GNAT2: variants seen among roughly 807,000 people sequenced by gnomAD.
GNAT2 encodes guanine nucleotide-binding protein G(t) subunit alpha-2.
A neutral mutation model predicts 40.9 loss-of-function variants in GNAT2; 32 were observed. The observed-to-expected ratio is 0.78, with a 90% confidence interval of 0.59 to 1.05. The LOEUF (loss-of-function observed/expected upper bound fraction) is 1.05, where lower values mean the gene tolerates loss of function less well. Among genes scored for constraint, GNAT2 ranks in the 50% least tolerant of loss-of-function variants. GNAT2 has a pLI of 0.00. For synonymous variants in GNAT2, 141 were observed against 157.2 expected (o/e 0.90, Z 0.77); for missense variants, 355 against 431.5 (o/e 0.82, Z 1.57).
At chr1:109,613,057 G>C (rs1194660291) in intron 1 of GNAT2, 134 bp from the exon 2 acceptor site, 1 of 674,568 alleles carries the variant, frequency 1.5e-6, no homozygotes, top group African/African-American at 1.8e-5. Context: ...CATTGACTGA[G>C]ACTCCCTACT....
At chr1:109,613,065 ACTT>A (rs1189062717) in intron 1 of GNAT2, 142 bp from the exon 2 acceptor site, 19 of 649,592 alleles carry the variant, frequency 2.9e-5, no homozygotes, top group Non-Finnish European at 4.5e-5. Flanking sequence ...GAGACTCCCT[ACTT>A]CAACTGGAGA....
rs778692720 is a variant in GNAT2 at position 109,603,576 on chromosome 1, A to C, written c.875-32T>G. ...TTCCAGAAAAATAGTGAAAAAGTAG[A>C]ATAAATGAACCCTTGTTAGTTGCTG... On this transcript the variant is annotated intron_variant, in intron 8 of 8. Coordinates refer to ENST00000679935, the MANE Select transcript of GNAT2 (RefSeq NM_001377295.2). 5 of 1,394,390 alleles carry C rather than the reference A, an allele frequency of 3.6e-6. No individual in the cohort carries two copies. The South Asian group carries it at 4.6e-5, about 13-fold the overall frequency. 86.4% of individuals were successfully genotyped at this position (1,394,390 alleles called of 1,614,324 possible).
intron 1 of GNAT2, 105 bp from the exon 2 acceptor site, chr1:109,613,028 G>T: frequency 1.4e-6 from 1 of 739,152 alleles, no homozygotes. Context: ...GCAGGCTGTA[G>T]GGTCTTGTAC....
rs1359776613 is a variant in GNAT2 at position 109,612,824 on chromosome 1, G to T, written c.47C>A (p.Ser16Tyr). 6.2e-7 allele frequency: 1 copy of T among 1,613,682 alleles called. No individual in the cohort carries two copies. The highest frequency in any genetic ancestry group is 8.5e-7 in the Non-Finnish European group (1 of 1,179,682). ...CTGCAGCTTCTTTTCTAGCTCCTTG[G>T]ACCTCTTGGCCAGTTCTTTGTCCTC... ...SAEDKELAKRSKELEKKLQED... is the reference protein window; with the variant it reads ...SAEDKELAKRYKELEKKLQED... The change falls in exon 2 of 9, where the codon TCC becomes TAC. Residue 16 changes from serine (S) to tyrosine (Y), a missense_variant. By Grantham distance (144) the Ser-to-Tyr change is moderately radical. Coordinates refer to ENST00000679935, the MANE Select transcript of GNAT2 (RefSeq NM_001377295.2).
chr1:109,617,659 T>C (rs1348216288), intron 1 of GNAT2: 4 of 152,134 alleles, frequency 2.6e-5, no homozygotes, highest in African/African-American at 9.7e-5. Flanking sequence ...GTGAAGGGTG[T>C]GTTGCAGATG....
At chr1:109,605,847 TCTG>T (rs1649574695) in intron 7 of GNAT2, 120 bp downstream of exon 7, 3 of 845,604 alleles carry the variant, frequency 3.5e-6, no homozygotes, top group Non-Finnish European at 6.2e-6. Flanking sequence ...CATTGATTGG[TCTG>T]CTGGAGGGCT....
At chr1:109,611,204 C>CTA (rs1649782739) in intron 2 of GNAT2, 1 of 147,930 alleles carries the variant, frequency 6.8e-6, no homozygotes, top group Non-Finnish European at 1.4e-5. Context: ...TTGAGACAGT[C>CTA]TTGCTCTGTC....
intron 4 of GNAT2, 166 bp downstream of exon 4, chr1:109,609,874 G>A: frequency 1.4e-6 from 1 of 734,232 alleles, no homozygotes; most frequent in Non-Finnish European, 2.5e-6. Context: ...AAAGGGCCTT[G>A]AGATGGTATA....
chr1:109,606,802 A>G (rs972515890), intron 5 of GNAT2: 2 of 301,020 alleles, frequency 6.6e-6, no homozygotes, highest in African/African-American at 2.2e-5. Context: ...ACATGAACCA[A>G]TGCAACACAT....
In GNAT2 at chr1:109,606,133, C is replaced by T. The variant is rs192819117; in HGVS notation, c.591-34G>A. 8 of 1,612,528 alleles carry T rather than the reference C, an allele frequency of 5.0e-6. No individual in the cohort carries two copies. In the Admixed American group the frequency reaches 1.2e-4, roughly 24 times the overall value. On this transcript the variant is annotated intron_variant, in intron 6 of 8. Transcript: ENST00000679935. ...AGAAGCAGCTATTTTCATAGGTATGCCCAACATACGACCTATATGCCTTTG... is the reference window on the plus strand; with the variant it reads ...AGAAGCAGCTATTTTCATAGGTATGTCCAACATACGACCTATATGCCTTTG...
chr1:109,605,164 A>G (rs1353242679), intron 7 of GNAT2: 1 of 152,358 alleles, frequency 6.6e-6, no homozygotes, highest in African/African-American at 2.4e-5. Flanking sequence ...CTTGGGTGAA[A>G]TTAACATTTT....
intron 5 of GNAT2, chr1:109,606,774 T>C: frequency 3.0e-6 from 1 of 330,024 alleles, no homozygotes; most frequent in Non-Finnish European, 5.9e-6. Context: ...AGGCAGTAAA[T>C]TGAAAGAGAC....
intron 5 of GNAT2, chr1:109,607,620 A>C (rs960413190): frequency 6.6e-6 from 1 of 152,334 alleles, no homozygotes; most frequent in East Asian, 1.9e-4. Flanking sequence ...AGATGGAGAA[A>C]TTCAGAAGAG....
In GNAT2 at chr1:109,603,179, C is replaced by G; in HGVS notation, c.*175G>C. On this transcript the variant is annotated 3_prime_UTR_variant, in exon 9 of 9. Coordinates refer to ENST00000679935, the MANE Select transcript of GNAT2 (RefSeq NM_001377295.2). Reference sequence around the variant, plus strand: ...CTACTGGCCTGTGCTCTTTAAGCTGCAATAGCTATCCCACTTTGAAAAGAA... The same window carrying G: ...CTACTGGCCTGTGCTCTTTAAGCTGGAATAGCTATCCCACTTTGAAAAGAA... 1.6e-6 allele frequency: 1 copy of G among 635,070 alleles called. No individual in the cohort carries two copies. Among genetic ancestry groups the G allele is most frequent in the Non-Finnish European group, 2.8e-6 (1 of 354,428 alleles). 39.3% of individuals were successfully genotyped at this position (635,070 alleles called of 1,614,324 possible). A position where few individuals can be genotyped will look rare whatever the true frequency, so the allele number is the denominator to read the frequency against.
At chr1:109,610,890 G>A (rs1250395980) in intron 2 of GNAT2, 1 of 334,698 alleles carries the variant, frequency 3.0e-6, no homozygotes, top group African/African-American at 2.1e-5. Flanking sequence ...ACAGATTCAG[G>A]GGGAGTCCTT....
intron 2 of GNAT2, chr1:109,612,499 C>T: frequency 2.0e-6 from 1 of 490,852 alleles, no homozygotes; most frequent in Middle Eastern, 5.9e-4. Context: ...TTCATGGTGG[C>T]CCTTGCACTA....
Position 109,603,950 on chromosome 1 carries a change from C to A in GNAT2, c.874+1G>T. 1 of 1,596,534 alleles carries A rather than the reference C, an allele frequency of 6.3e-7. No individual in the cohort carries two copies. The highest frequency in any genetic ancestry group is 8.6e-7 in the Non-Finnish European group (1 of 1,164,664). ...TATTATTTCCAGCCCCTGACACTTACCATCATACTCTGGAAAACAAATGCT... is the reference window on the plus strand; with the variant it reads ...TATTATTTCCAGCCCCTGACACTTAACATCATACTCTGGAAAACAAATGCT... On this transcript the variant is annotated splice_donor_variant, in intron 8 of 8. Transcript: ENST00000679935. LOFTEE classifies it high-confidence loss of function.
intron 1 of GNAT2, chr1:109,615,877 G>A (rs1649940132): frequency 6.6e-6 from 1 of 152,290 alleles, no homozygotes; most frequent in Non-Finnish European, 1.5e-5. Flanking sequence ...GAGAGAGAAA[G>A]CATGGACAAA....
chr1:109,609,416 TAAGGCC>T, intron 4 of GNAT2: 1 of 175,822 alleles, frequency 5.7e-6, no homozygotes, highest in Non-Finnish European at 1.2e-5. Flanking sequence ...GAGGATTGCT[TAAGGCC>T]AGGAGTTTGA....
Sources: gnomAD v4.1 joint callset for allele counts on GRCh38, gnomAD v4.1.1 for gene constraint, MANE v1.5 for transcripts, NCBI Gene and HGNC (gene_info 2026-07-23, HGNC 2026-07-21) for gene names.